E2F3: variants seen among roughly 807,000 people sequenced by gnomAD.
E2F3 encodes the protein E2F transcription factor 3, also known as transcription factor E2F3.
Under a neutral mutation model 44.4 loss-of-function variants are expected in E2F3, and 11 were observed. That is an observed-to-expected ratio of 0.25 (90% CI 0.16 to 0.41). E2F3 has a LOEUF of 0.41. E2F3 is among the 10% of genes least tolerant of loss of function. The pLI is 1.00. For synonymous variants in E2F3, 249 were observed against 253.0 expected (o/e 0.98, Z 0.15); for missense variants, 487 against 583.6 (o/e 0.83, Z 1.70).
intron 1 of E2F3, among the ~76,000 whole-genome samples, chr6:20,428,476 G>A (rs918189591): frequency 1.3e-5 from 2 of 152,132 alleles, no homozygotes; most frequent in African/African-American, 4.8e-5. Context: ...ACCTGCCTCG[G>A]CCTCCCAAAG....
chr6:20,473,111 C>T (rs1401629173), intron 1 of E2F3, among the ~76,000 whole-genome samples: 4 of 152,162 alleles, frequency 2.6e-5, no homozygotes, highest in Admixed American at 6.5e-5. Context: ...GAACTGGGAT[C>T]AGGAGTAGGG....
At chr6:20,442,587 T>C (rs1468385320) in intron 1 of E2F3, among the ~76,000 whole-genome samples, 1 of 152,254 alleles carries the variant, frequency 6.6e-6, no homozygotes, top group Non-Finnish European at 1.5e-5. Flanking sequence ...ATGTTGTGTG[T>C]ATATTTATAT....
chr6:20,475,030 T>G (rs1023522487), intron 1 of E2F3, among the ~76,000 whole-genome samples: 2 of 152,236 alleles, frequency 1.3e-5, no homozygotes, highest in Admixed American at 1.3e-4. Flanking sequence ...AAGTTCCACC[T>G]CCTGGGAGGA....
chr6:20,446,512 G>T (rs1392431854), intron 1 of E2F3, among the ~76,000 whole-genome samples: 2 of 152,264 alleles, frequency 1.3e-5, no homozygotes, highest in East Asian at 3.9e-4. Flanking sequence ...AATGTAAAAT[G>T]CCTCTTTCTG....
intron 1 of E2F3, among the ~76,000 whole-genome samples, chr6:20,438,418 A>T (rs1349781493): frequency 6.6e-6 from 1 of 152,100 alleles, no homozygotes; most frequent in East Asian, 1.9e-4. Flanking sequence ...ATCTCTCTTC[A>T]ACTGGGCTTT....
rs775788562 is a variant in E2F3 at position 20,402,374 on chromosome 6, G to A, written c.142G>A (p.Ala48Thr). 3 of 1,607,364 alleles carry A rather than the reference G, an allele frequency of 1.9e-6. No individual in the cohort carries two copies. The highest frequency in any genetic ancestry group is 2.2e-5 in the South Asian group (2 of 90,712). ...AGCCAGCCCCGGCTTCGCCGCCGCC[G>A]CCGCCGCTGCCGCCGCCCCGGGCGC... ...LLASPGFAAA[A>T]AAAAAPGAYI... The change falls in exon 1 of 7, where the codon GCC becomes ACC. Residue 48 changes from alanine (A) to threonine (T), a missense_variant. Physicochemically the swap from Ala to Thr is moderately conservative, Grantham distance 58. Transcript: ENST00000346618. The surrounding 1 kb of genome is among the most constrained non-coding windows in gnomAD (Gnocchi z 5.6).
Position 20,478,368 on chromosome 6 carries a change from CAT to C in E2F3, c.394-1477_394-1476del, listed in dbSNP as rs1762112736. On this transcript the variant is annotated intron_variant, in intron 1 of 6. Coordinates refer to ENST00000346618, the MANE Select transcript of E2F3 (RefSeq NM_001949.5). ...CAGTGTGTATTTTACAATTATAGCA[CAT>C]GTCAGTTTGGATGAGCTAGTAACCA... Among the ~76,000 whole-genome samples the C allele has an allele frequency of 3.3e-5, 5 of 152,334 alleles. No individual in the cohort carries two copies. The South Asian group carries it at 6.2e-4, about 19-fold the overall frequency.
intron 1 of E2F3, among the ~76,000 whole-genome samples, chr6:20,430,970 G>T (rs573582783): frequency 6.6e-5 from 10 of 152,060 alleles, no homozygotes; most frequent in Admixed American, 2.0e-4. Flanking sequence ...GGTTGCAGTG[G>T]GCCAAGATGG....
intron 1 of E2F3, among the ~76,000 whole-genome samples, chr6:20,455,855 A>G (rs1293945095): frequency 6.6e-6 from 1 of 152,142 alleles, no homozygotes; most frequent in African/African-American, 2.4e-5. Flanking sequence ...TTGGGAACCC[A>G]GGGAAAGAAC....
intron 1 of E2F3, among the ~76,000 whole-genome samples, chr6:20,432,498 G>A (rs874448): frequency 0.063 from 9,583 of 152,340 alleles, 729 homozygotes; most frequent in African/African-American, 0.19. Flanking sequence ...GATATATGGT[G>A]TAGACCACAG....
chr6:20,418,185 C>T (rs1239935785), intron 1 of E2F3, among the ~76,000 whole-genome samples: 1 of 152,076 alleles, frequency 6.6e-6, no homozygotes, highest in African/African-American at 2.4e-5. Flanking sequence ...CACTGGGGAC[C>T]GACGTGTGGG....
At chr6:20,411,302 C>T (rs1351594350) in intron 1 of E2F3, among the ~76,000 whole-genome samples, 7 of 152,072 alleles carry the variant, frequency 4.6e-5, no homozygotes, top group East Asian at 1.9e-4. Flanking sequence ...CTGCCAGACT[C>T]GGAGCCCCTG....
chr6:20,490,183 A>G lies in E2F3; in HGVS notation c.1151A>G (p.Asn384Ser), dbSNP rs1432592867. The part of the protein sequence containing the change: ...KPASKDLAST[N>S]SGHSDCSVSM... ...TTCTTTTCAGACTTGGCTTCAACCA[A>G]CTCAGGACATAGCGATTGCTCAGTT... The change falls in exon 7 of 7, where the codon AAC (asparagine) becomes AGC (serine). Residue 384 changes from asparagine to serine, a missense_variant. Asn to Ser is a conservative substitution (Grantham distance 46). Coordinates refer to ENST00000346618, the MANE Select transcript of E2F3 (RefSeq NM_001949.5). The surrounding 1 kb of genome is among the most constrained non-coding windows in gnomAD (Gnocchi z 4.3). 1.9e-6 allele frequency: 3 copies of G among 1,610,872 alleles called. No individual in the cohort carries two copies. The Admixed American group carries it at 5.1e-5, about 27-fold the overall frequency.
At chr6:20,443,138 T>C (rs1246337790) in intron 1 of E2F3, among the ~76,000 whole-genome samples, 1 of 152,136 alleles carries the variant, frequency 6.6e-6, no homozygotes, top group Non-Finnish European at 1.5e-5. Context: ...ACAGTGGCAA[T>C]AGCAGGGACA....
chr6:20,421,981 C>T (rs1198435857), intron 1 of E2F3: 1 of 152,238 alleles, frequency 6.6e-6, no homozygotes, highest in Non-Finnish European at 1.5e-5. Context: ...AGCCCCTAAC[C>T]AAAGAGTCAG....
intron 1 of E2F3, among the ~76,000 whole-genome samples, chr6:20,458,789 A>G (rs576763061): frequency 6.6e-6 from 1 of 152,300 alleles, no homozygotes; most frequent in East Asian, 1.9e-4. Context: ...ATGCTTCCCT[A>G]GAAGTCTTTG....
rs533686634 is a variant in E2F3, at chr6:20,465,567, G to A, written c.394-14279G>A. On this transcript the variant is annotated intron_variant, in intron 1 of 6. Coordinates refer to ENST00000346618, the MANE Select transcript of E2F3 (RefSeq NM_001949.5). ...TGAGATTTTGGTGCACTCATCACTC[G>A]AGCAGTGTACACTGCACCCAATTTG... Among the ~76,000 whole-genome samples the A allele has an allele frequency of 6.6e-5, 10 of 152,044 alleles. No homozygotes were observed. The South Asian group carries it at 1.0e-3, about 16-fold the overall frequency.
intron 1 of E2F3, among the ~76,000 whole-genome samples, chr6:20,448,005 C>T (rs959204180): frequency 6.6e-6 from 1 of 152,198 alleles, no homozygotes; most frequent in Non-Finnish European, 1.5e-5. Context: ...CGTCCTTAAA[C>T]CTTTCTGCCC....
chr6:20,433,709 T>A (rs966298466), intron 1 of E2F3, among the ~76,000 whole-genome samples: 1 of 152,184 alleles, frequency 6.6e-6, no homozygotes, highest in African/African-American at 2.4e-5. Context: ...TATATTTCAA[T>A]ACAAAGTGTT....
Sources: allele counts gnomAD v4.1 joint callset (sites outside exome capture counted in the v4.1 genomes callset), GRCh38; gene constraint gnomAD v4.1.1; non-coding constraint Gnocchi (gnomAD v3.1); transcripts MANE v1.5; gene names NCBI Gene and HGNC (gene_info 2026-07-23, HGNC 2026-07-21).